Variants in SGK1 observed in about 807,000 individuals in gnomAD.
SGK1 encodes the protein serum/glucocorticoid regulated kinase 1.
A neutral mutation model predicts 64.2 loss-of-function variants in SGK1; 26 were observed. The observed-to-expected ratio is 0.40, with a 90% CI of 0.30 to 0.56. The LOEUF is 0.56. Ranked by LOEUF, SGK1 falls within the 20% of genes least tolerant of loss-of-function variation. The pLI is 0.38. For missense variants in SGK1, 519 were observed against 645.6 expected, an observed-to-expected ratio of 0.80 and a Z score of 2.12; for synonymous variants, 265 against 239.7, an observed-to-expected ratio of 1.11 and a Z score of -0.98.
chr6:134,172,747 A>T lies in SGK1; in HGVS notation c.862T>A (p.Cys288Ser). 1 of 1,614,042 alleles carries T rather than the reference A, an allele frequency of 6.2e-7. No homozygotes were observed. The highest frequency in any genetic ancestry group is 8.5e-7 in the Non-Finnish European group (1 of 1,179,862). ...AAACGAGCCCGTGGTTCCAGGAAGC[A>T]GCGTTCCCTCTGGAGATGGTAGAAC... ...ELFYHLQRER[C>S]FLEPRARFYA... Residue 288 changes from cysteine to serine, a missense_variant, in exon 9 of 14, where the codon TGC becomes AGC. Around this residue, in one of 2 missense-constraint regions of SGK1, gnomAD observed 278 missense variants for 408.7 expected, o/e 0.68. Transcript: ENST00000367858.
chr6:134,313,753 G>A (rs761306682), intron 1 of SGK1, among the ~76,000 whole-genome samples: 18 of 152,142 alleles, frequency 1.2e-4, no homozygotes, highest in Non-Finnish European at 2.2e-4. Flanking sequence ...AAAAGGTAAT[G>A]TAATCATGGC....
chr6:134,264,180 C>T (rs1480974124), intron 1 of SGK1, among the ~76,000 whole-genome samples: 4 of 150,088 alleles, frequency 2.7e-5, no homozygotes, highest in East Asian at 1.9e-4. Context: ...AGTACAGTGG[C>T]GCGATCTCAG....
rs563861663 is a variant in SGK1, at chr6:134,264,157, T to C, written c.70-2009A>G. ...TTTTTGAGACAGAGTCTCGCTCTGTTGCCCCTGGCTGGAGTACAGTGGCGC... is the reference window on the plus strand; with the variant it reads ...TTTTTGAGACAGAGTCTCGCTCTGTCGCCCCTGGCTGGAGTACAGTGGCGC... On this transcript the variant is annotated intron_variant, in intron 1 of 13. Transcript: ENST00000367858. 9.1e-3 allele frequency among the ~76,000 whole-genome samples: 1,385 copies of C among 151,656 alleles called. 7 individuals carry two copies. Among genetic ancestry groups the C allele is most frequent in the South Asian group, 0.038 (184 of 4,796 alleles).
chr6:134,287,808 G>A (rs760961809), intron 1 of SGK1, among the ~76,000 whole-genome samples: 30 of 152,086 alleles, frequency 2.0e-4, no homozygotes, highest in Non-Finnish European at 1.0e-4. Flanking sequence ...TACTATGCAA[G>A]AGACATAGGG....
chr6:134,257,221 G>C (rs1025126330), intron 2 of SGK1: 1 of 152,520 alleles, frequency 6.6e-6, no homozygotes, highest in African/African-American at 2.4e-5. Flanking sequence ...GAGGTTGGGA[G>C]TTCAAGACCA....
chr6:134,237,455 C>T (rs1192304112), intron 2 of SGK1, among the ~76,000 whole-genome samples: 1 of 151,944 alleles, frequency 6.6e-6, no homozygotes, highest in African/African-American at 2.4e-5. Flanking sequence ...GCAGGCAGAT[C>T]ACTTGAGGTC....
chr6:134,295,728 G>C (rs534042516), intron 1 of SGK1, among the ~76,000 whole-genome samples: 1 of 149,612 alleles, frequency 6.7e-6, no homozygotes, highest in African/African-American at 2.5e-5. Context: ...AAGCCCTATA[G>C]ATGGCAACCT....
chr6:134,265,535 T>C (rs1237222758), intron 1 of SGK1, among the ~76,000 whole-genome samples: 1 of 147,230 alleles, frequency 6.8e-6, no homozygotes, highest in African/African-American at 2.5e-5. Context: ...ATATATATTT[T>C]ATATACACAT....
chr6:134,173,403 G>C (rs764943803), intron 6 of SGK1, 46 bp from the exon 7 acceptor site: 17 of 1,581,554 alleles, frequency 1.1e-5, no homozygotes, highest in Non-Finnish European at 1.5e-5. Flanking sequence ...CTCATCCAGG[G>C]AGAATACAAA....
At chr6:134,208,909 C>T (rs865977959) in intron 2 of SGK1, among the ~76,000 whole-genome samples, 6 of 85,832 alleles carry the variant, frequency 7.0e-5, no homozygotes, top group Admixed American at 1.1e-4. Context: ...TATATATATA[C>T]ACACACACGT....
intron 3 of SGK1, among the ~76,000 whole-genome samples, chr6:134,196,341 C>T (rs1775593661): frequency 6.6e-6 from 1 of 151,896 alleles, no homozygotes; most frequent in African/African-American, 2.4e-5. Flanking sequence ...GCTGGGATTA[C>T]AGGTATGAGC....
At chr6:134,199,759 C>T (rs1246201919) in intron 3 of SGK1, among the ~76,000 whole-genome samples, 2 of 151,844 alleles carry the variant, frequency 1.3e-5, no homozygotes, top group East Asian at 1.9e-4. Context: ...AGTAATGATT[C>T]TTGCTCTTTA....
intron 2 of SGK1, among the ~76,000 whole-genome samples, chr6:134,219,983 C>T (rs1338317502): frequency 7.8e-6 from 1 of 128,932 alleles, no homozygotes; most frequent in Admixed American, 8.8e-5. Flanking sequence ...GGCGTTAACC[C>T]GGGAGGCGGA....
At chr6:134,218,397 C>G (rs978516475) in intron 2 of SGK1, among the ~76,000 whole-genome samples, 2 of 150,998 alleles carry the variant, frequency 1.3e-5, no homozygotes, top group African/African-American at 2.4e-5. Flanking sequence ...ACAGACAGAT[C>G]TTGCCCTCAT....
At chr6:134,267,925 T>C (rs1254668001) in intron 1 of SGK1, among the ~76,000 whole-genome samples, 1 of 152,228 alleles carries the variant, frequency 6.6e-6, no homozygotes, top group Non-Finnish European at 1.5e-5. Context: ...TTAGTCCTTA[T>C]ACTGGCTTCA....
intron 2 of SGK1, among the ~76,000 whole-genome samples, chr6:134,222,583 A>G (rs1763503): frequency 0.82 from 124,747 of 151,934 alleles, 51,791 homozygotes; most frequent in East Asian, 0.98. Flanking sequence ...TGATCCACCC[A>G]CCTCATCCTC....
intron 3 of SGK1, among the ~76,000 whole-genome samples, chr6:134,183,849 C>T (rs577118005): frequency 1.9e-5 from 2 of 103,560 alleles, no homozygotes; most frequent in East Asian, 5.6e-4. Context: ...CCTGTCCCCA[C>T]CCCACCCCCA....
intron 2 of SGK1, among the ~76,000 whole-genome samples, chr6:134,212,445 T>C (rs80175566): frequency 0.026 from 4,000 of 152,334 alleles, 65 homozygotes; most frequent in Middle Eastern, 0.044. Context: ...GTAGCTATTA[T>C]GTCTCACCTT....
At chr6:134,271,312 A>C (rs1266340971) in intron 1 of SGK1, among the ~76,000 whole-genome samples, 1 of 109,482 alleles carries the variant, frequency 9.1e-6, no homozygotes, top group Admixed American at 9.2e-5. Flanking sequence ...AAACTGTCTC[A>C]AAAAAAAAAA....
Sources: gnomAD v4.1 joint callset for allele counts (sites outside exome capture counted in the v4.1 genomes callset) on GRCh38, gnomAD v4.1.1 for gene constraint, gnomAD v4.1.1 regional missense constraint, MANE v1.5 for transcripts, NCBI Gene and HGNC (gene_info 2026-07-23, HGNC 2026-07-21) for gene names.